LTBP1: variants seen among roughly 807,000 people sequenced by gnomAD.
The protein encoded by LTBP1 is latent-transforming growth factor beta-binding protein 1.
LTBP1 carries 129 observed loss-of-function variants against 207.6 expected under a neutral mutation model. The ratio of observed to expected loss-of-function variants is 0.62; its 90% CI spans 0.54 to 0.72. LTBP1 has a LOEUF of 0.72. Ranked by LOEUF, LTBP1 falls within the 30% of genes least tolerant of loss-of-function variation. LTBP1 has a pLI of 0.00. For missense variants in LTBP1, 2,281 were observed against 2,217.2 expected, an observed-to-expected ratio of 1.03 and a Z score of -0.58; for synonymous variants, 963 against 833.7, an observed-to-expected ratio of 1.16 and a Z score of -2.67.
chr2:33,391,071 A>C (rs1364646731), intron 32 of LTBP1, among the ~76,000 whole-genome samples: 204 of 121,254 alleles, frequency 1.7e-3, no homozygotes, highest in Middle Eastern at 4.0e-3. Flanking sequence ...CTTCCCCTCC[A>C]CCTTTTTTTT....
intron 3 of LTBP1, among the ~76,000 whole-genome samples, chr2:33,088,885 G>A (rs2078909164): frequency 6.6e-6 from 1 of 152,108 alleles, no homozygotes. Flanking sequence ...GCTGGGTACA[G>A]GGGCTCATGC....
chr2:33,281,986 A>T (rs781769541), intron 19 of LTBP1, among the ~76,000 whole-genome samples: 4 of 151,556 alleles, frequency 2.6e-5, no homozygotes, highest in Non-Finnish European at 5.9e-5. Flanking sequence ...TTATTAGTGG[A>T]ATGTGACTGA....
chr2:33,385,830 C>T (rs1021487326), intron 31 of LTBP1, among the ~76,000 whole-genome samples: 1 of 152,162 alleles, frequency 6.6e-6, no homozygotes, highest in African/African-American at 2.4e-5. Flanking sequence ...GACTTTAGCA[C>T]ATCTTCAGAT....
rs532956162 is a variant in LTBP1, at chr2:33,060,586, G to C, written c.863+39380G>C. On this transcript the variant is annotated intron_variant, in intron 3 of 33. Coordinates refer to ENST00000404816, the MANE Select transcript of LTBP1 (RefSeq NM_206943.4). ...GTGTATGATATATGTGGGTAGGTGA[G>C]ATATGGAGGGAGGCAGGGAGGGAAC... is the stretch of plus-strand genomic sequence containing the variant. Among the ~76,000 whole-genome samples the C allele has an allele frequency of 1.7e-4, 26 of 151,396 alleles. No individual in the cohort carries two copies. In the South Asian group the frequency reaches 5.5e-3, roughly 32 times the overall value.
rs1676405814 is a variant in LTBP1, at chr2:32,947,689, C to T, written c.365C>T (p.Pro122Leu). Residue 122 changes from proline (P) to leucine (L), a missense_variant, in exon 1 of 34, where the codon CCC (proline) becomes CTC (leucine). Physicochemically the swap from Pro to Leu is moderately conservative, Grantham distance 98. This residue lies in a region of LTBP1 where 555 missense variants were observed against 491.0 expected (regional missense o/e 1.13). Coordinates refer to ENST00000404816, the MANE Select transcript of LTBP1 (RefSeq NM_206943.4). ...AVPGGQLHPN[P>L]GGHPAAAPFT... ...CCCGGCGGGCAGCTCCACCCCAATC[C>T]CGGCGGCCACCCGGCAGCCGCCCCG... is the stretch of plus-strand genomic sequence containing the variant. 10 of 1,505,658 alleles carry T rather than the reference C, an allele frequency of 6.6e-6. No homozygotes were observed. Among genetic ancestry groups the T allele is most frequent in the African/African-American group, 1.4e-5 (1 of 69,038 alleles). The allele number at this position is 1,505,658 out of a possible 1,614,324, so 93.3% of individuals were successfully genotyped here.
intron 9 of LTBP1, among the ~76,000 whole-genome samples, chr2:33,240,790 G>T (rs192992146): frequency 2.0e-5 from 3 of 151,512 alleles, no homozygotes; most frequent in Non-Finnish European, 4.4e-5. Flanking sequence ...AGCTGGGACT[G>T]CAGGCACCTG....
chr2:33,392,074 T>G (rs2095319278), intron 32 of LTBP1, among the ~76,000 whole-genome samples: 1 of 152,244 alleles, frequency 6.6e-6, no homozygotes, highest in African/African-American at 2.4e-5. Flanking sequence ...TCTTATCGCC[T>G]TTATGGTTCA....
At chr2:33,150,508 TATA>T (rs1158312952) in intron 5 of LTBP1, among the ~76,000 whole-genome samples, 1 of 151,864 alleles carries the variant, frequency 6.6e-6, no homozygotes, top group Non-Finnish European at 1.5e-5. Flanking sequence ...TCACTATCCA[TATA>T]ATAACTTTTC....
chr2:33,066,728 A>G (rs542485436), intron 3 of LTBP1, among the ~76,000 whole-genome samples: 66 of 152,374 alleles, frequency 4.3e-4, no homozygotes, highest in Non-Finnish European at 2.8e-4. Context: ...ATGTTTCATT[A>G]TAGCAGAATT....
intron 5 of LTBP1, among the ~76,000 whole-genome samples, chr2:33,170,211 C>T (rs1368177072): frequency 6.6e-6 from 1 of 152,222 alleles, no homozygotes; most frequent in East Asian, 1.9e-4. Context: ...CATTGCCTCA[C>T]TCGGGAAGCG....
chr2:33,055,844 C>G (rs1185213890), intron 3 of LTBP1, among the ~76,000 whole-genome samples: 1 of 152,058 alleles, frequency 6.6e-6, no homozygotes, highest in Non-Finnish European at 1.5e-5. Flanking sequence ...AACCCATAGC[C>G]CGTGGGTTTT....
intron 18 of LTBP1, among the ~76,000 whole-genome samples, chr2:33,277,435 C>T (rs547508315): frequency 3.6e-4 from 55 of 152,306 alleles, no homozygotes; most frequent in African/African-American, 1.3e-3. Flanking sequence ...ACTGCCTGAC[C>T]TGTAGCCACT....
chr2:32,969,716 A>T (rs1680573534), intron 2 of LTBP1, among the ~76,000 whole-genome samples: 1 of 152,174 alleles, frequency 6.6e-6, no homozygotes, highest in African/African-American at 2.4e-5. Context: ...TGCTATCGTG[A>T]ATAGTGCTGT....
At chr2:33,265,382 G>T (rs1161042738) in intron 15 of LTBP1, among the ~76,000 whole-genome samples, 1 of 152,098 alleles carries the variant, frequency 6.6e-6, no homozygotes, top group East Asian at 1.9e-4. Flanking sequence ...AAAGGCTGTG[G>T]GTAGGAGTTT....
intron 7 of LTBP1, among the ~76,000 whole-genome samples, chr2:33,193,441 A>G (rs1218502892): frequency 6.6e-6 from 1 of 152,156 alleles, no homozygotes; most frequent in African/African-American, 2.4e-5. Context: ...CGCACCCAGC[A>G]GGAAAATGTC....
intron 32 of LTBP1, among the ~76,000 whole-genome samples, chr2:33,395,247 C>T (rs544987646): frequency 6.6e-6 from 1 of 152,266 alleles, no homozygotes; most frequent in African/African-American, 2.4e-5. Flanking sequence ...TGGCCAGGGT[C>T]ACAGGCATGA....
In LTBP1 at chr2:33,075,902, A is replaced by G. The variant is rs116351910; in HGVS notation, c.864-34680A>G. The stretch of plus-strand genomic sequence containing the variant: ...TATAAATGTGCTTCTTTATTTTTCT[A>G]GGCATTAGGTCCTCTTTTCAGGCTA... On this transcript the variant is annotated intron_variant, in intron 3 of 33. Transcript: ENST00000404816. Among the ~76,000 whole-genome samples the G allele has an allele frequency of 9.5e-3, 1,449 of 152,244 alleles. 21 individuals carry two copies. The highest frequency in any genetic ancestry group is 0.033 in the African/African-American group (1,354 of 41,546).
At chr2:32,988,177 T>C (rs1403370785) in intron 2 of LTBP1, among the ~76,000 whole-genome samples, 1 of 152,246 alleles carries the variant, frequency 6.6e-6, no homozygotes, top group African/African-American at 2.4e-5. Context: ...ATATGGATTT[T>C]GGACTTCTAA....
At chr2:33,240,850 C>T (rs902398347) in intron 9 of LTBP1, among the ~76,000 whole-genome samples, 2 of 151,950 alleles carry the variant, frequency 1.3e-5, no homozygotes, top group Non-Finnish European at 2.9e-5. Context: ...CGGGGTTTCA[C>T]TGTGTTAGCC....
Sources: gnomAD v4.1 joint callset for allele counts (sites outside exome capture counted in the v4.1 genomes callset) on GRCh38, gnomAD v4.1.1 for gene constraint, gnomAD v4.1.1 regional missense constraint, MANE v1.5 for transcripts, NCBI Gene and HGNC (gene_info 2026-07-23, HGNC 2026-07-21) for gene names.